Variants in EIF4E3 observed in about 807,000 individuals in gnomAD.
The protein encoded by EIF4E3 is eukaryotic translation initiation factor 4E type 3.
Under a neutral mutation model 31.7 loss-of-function variants are expected in EIF4E3, and 26 were observed. That is an observed-to-expected ratio of 0.82 (90% confidence interval 0.60 to 1.14). EIF4E3 has a LOEUF of 1.14. Among genes scored for constraint, EIF4E3 ranks in the 50% most tolerant of loss-of-function variants. The pLI is 0.00. For missense variants in EIF4E3, 304 were observed against 270.9 expected (o/e 1.12, Z -0.86); for synonymous variants, 128 against 107.7 (o/e 1.19, Z -1.17).
intron 3 of EIF4E3, 45 bp downstream of exon 3, chr3:71,699,569 C>T (rs1186340754): frequency 1.3e-6 from 2 of 1,536,972 alleles, no homozygotes; most frequent in Non-Finnish European, 1.8e-6. Context: ...GGTTCACAAA[C>T]ATTTTCCTCC....
At chr3:71,754,175 G>T (rs765142965), upstream of EIF4E3, 1 of 1,447,296 alleles carries the variant, frequency 6.9e-7, no homozygotes, top group Non-Finnish European at 9.2e-7. The surrounding 1 kb of genome is among the most constrained non-coding windows in gnomAD (Gnocchi z 5.8). Context: ...TCGCGCTGCT[G>T]ATCGTGCGGG....
At chr3:71,720,937 G>A (rs981200096) in intron 1 of EIF4E3, among the ~76,000 whole-genome samples, 3 of 152,216 alleles carry the variant, frequency 2.0e-5, no homozygotes, top group African/African-American at 7.2e-5. Context: ...GTGCTTGAGA[G>A]AAAGAAGATT....
intron 5 of EIF4E3, among the ~76,000 whole-genome samples, chr3:71,692,980 C>G (rs1309673536): frequency 2.0e-5 from 3 of 152,158 alleles, no homozygotes; most frequent in Non-Finnish European, 2.9e-5. Flanking sequence ...CGAGATGAAT[C>G]TGAAATGTGC....
At chr3:71,745,354 G>A (rs1326095265) in intron 1 of EIF4E3, among the ~76,000 whole-genome samples, 1 of 152,126 alleles carries the variant, frequency 6.6e-6, no homozygotes, top group East Asian at 1.9e-4. Flanking sequence ...TGCATAATAG[G>A]TAAACTAGCA....
chr3:71,700,518 G>A (rs2049200847), intron 2 of EIF4E3, among the ~76,000 whole-genome samples: 1 of 151,654 alleles, frequency 6.6e-6, no homozygotes, highest in African/African-American at 2.4e-5. Flanking sequence ...GGAGGCTGAG[G>A]CAGGAGAATC....
Position 71,679,444 on chromosome 3 carries a change from CT to C in EIF4E3, c.*5237del, listed in dbSNP as rs2048898447. 1 of 152,012 alleles carries C rather than the reference CT, an allele frequency of 6.6e-6. No individual in the cohort carries two copies. The highest frequency in any genetic ancestry group is 6.6e-5 in the Admixed American group (1 of 15,258). The allele number at this position is 152,012 out of a possible 1,614,324, so 9.4% of individuals were successfully genotyped here. On this transcript the variant is annotated 3_prime_UTR_variant, in exon 7 of 7. Transcript: ENST00000425534. Reference sequence around the variant, plus strand: ...TGCATTTCACTAAATGAGTTGGTAACTTTTTTCAGGCAGCAACCAAAACAAA... The same window carrying C: ...TGCATTTCACTAAATGAGTTGGTAACTTTTTCAGGCAGCAACCAAAACAAA...
At chr3:71,743,727 A>G (rs574199868) in intron 1 of EIF4E3, among the ~76,000 whole-genome samples, 1 of 152,348 alleles carries the variant, frequency 6.6e-6, no homozygotes, top group South Asian at 2.1e-4. Context: ...TTATAAAGCC[A>G]CAATAATGAA....
chr3:71,677,257 G>T lies in EIF4E3; in HGVS notation c.*7425C>A, dbSNP rs1179616155. 6.6e-6 allele frequency: 1 copy of T among 152,164 alleles called. No individual in the cohort carries two copies. Among genetic ancestry groups the T allele is most frequent in the African/African-American group, 2.4e-5 (1 of 41,434 alleles). The allele number at this position is 152,164 out of a possible 1,614,324, so 9.4% of individuals were successfully genotyped here. ...TAATGACATATATTTTAACTTGCTG[G>T]CCCTTGCAAATGCTACTGTTTTTTC... is the stretch of plus-strand genomic sequence containing the variant. On this transcript the variant is annotated 3_prime_UTR_variant, in exon 7 of 7. Transcript: ENST00000425534.
At chr3:71,695,260 A>G (rs17008927) in intron 4 of EIF4E3, among the ~76,000 whole-genome samples, 1,573 of 152,244 alleles carry the variant, frequency 0.01, 19 homozygotes, top group African/African-American at 0.035. Context: ...TTGGCCCACA[A>G]GACTCCCACT....
At chr3:71,750,286 C>T (rs1435198245) in intron 1 of EIF4E3, among the ~76,000 whole-genome samples, 1 of 152,110 alleles carries the variant, frequency 6.6e-6, no homozygotes, top group Non-Finnish European at 1.5e-5. Context: ...TAAATGGACA[C>T]ATTTGAGATT....
chr3:71,754,502 G>A, upstream of EIF4E3: 1 of 1,285,216 alleles, frequency 7.8e-7, no homozygotes, highest in Non-Finnish European at 9.8e-7. This position sits in a 1 kb window ranked among gnomAD's most constrained non-coding sequence, Gnocchi z 5.8. Flanking sequence ...GGGCGCTGGC[G>A]CTGGCCGCGG....
intron 5 of EIF4E3, among the ~76,000 whole-genome samples, chr3:71,690,647 T>C (rs2049051851): frequency 1.3e-5 from 2 of 152,240 alleles, no homozygotes. Flanking sequence ...CAGCGCTATC[T>C]GCCCCAACAC....
intron 3 of EIF4E3, among the ~76,000 whole-genome samples, chr3:71,698,895 G>C (rs1055826410): frequency 1.3e-5 from 2 of 152,154 alleles, no homozygotes; most frequent in African/African-American, 4.8e-5. Flanking sequence ...CCAGTCACAG[G>C]TTAAAAACAT....
At chr3:71,698,438 C>T (rs557549337) in intron 3 of EIF4E3, among the ~76,000 whole-genome samples, 1 of 152,320 alleles carries the variant, frequency 6.6e-6, no homozygotes, top group South Asian at 2.1e-4. Context: ...CTGTGGGGGA[C>T]ATCTGCTGTG....
Position 71,725,043 on chromosome 3 carries a change from G to T in EIF4E3, c.176+149C>A. The T allele has an allele frequency of 1.7e-6, 1 of 578,370 alleles. No individual in the cohort carries two copies. The highest frequency in any genetic ancestry group is 2.2e-6 in the Non-Finnish European group (1 of 453,500). 35.8% of individuals were successfully genotyped at this position (578,370 alleles called of 1,614,324 possible). On this transcript the variant is annotated intron_variant, in intron 1 of 6. Coordinates refer to ENST00000425534, the MANE Select transcript of EIF4E3 (RefSeq NM_001134651.2). This position sits in a 1 kb window ranked among gnomAD's most constrained non-coding sequence, Gnocchi z 6.1. ...GCTGGCTTCCGACCCGGCGGGGCGA[G>T]TCCCGGGGTGCGCAGGCGGACGCGC...
rs939302277 is a variant in EIF4E3 at position 71,696,517 on chromosome 3, T to C, written c.348A>G (p.Glu116=). Residue 116 remains glutamate (E), a synonymous_variant, in exon 4 of 7, where the codon GAA becomes GAG. Transcript: ENST00000425534. ...LMRGERRPLW[E]EESNAKGGVW... is the part of the protein sequence containing the mutation. Reference sequence around the variant, plus strand: ...CGCCACCCTTTGCATTACTCTCCTCTTCCCTGGGCCAAAGACCAACGTTTA... The same window carrying C: ...CGCCACCCTTTGCATTACTCTCCTCCTCCCTGGGCCAAAGACCAACGTTTA... 1.9e-6 allele frequency: 3 copies of C among 1,614,042 alleles called. No individual in the cohort carries two copies. The highest frequency in any genetic ancestry group is 2.7e-5 in the African/African-American group (2 of 74,916).
chr3:71,695,671 T>A (rs140443732), intron 4 of EIF4E3, among the ~76,000 whole-genome samples: 1 of 152,206 alleles, frequency 6.6e-6, no homozygotes, highest in Non-Finnish European at 1.5e-5. Flanking sequence ...TATGTTCTTA[T>A]AGTAAAATGA....
chr3:71,750,627 CAG>C (rs1434427890), intron 1 of EIF4E3, among the ~76,000 whole-genome samples: 1 of 152,140 alleles, frequency 6.6e-6, no homozygotes, highest in African/African-American at 2.4e-5. Context: ...ACTCTAAACA[CAG>C]AGTTCCTCAG....
chr3:71,689,863 A>G (rs1376315929), intron 6 of EIF4E3, 147 bp downstream of exon 6: 2 of 830,800 alleles, frequency 2.4e-6, no homozygotes, highest in East Asian at 7.0e-5. Context: ...TTAAAAAAAA[A>G]AAAAACTTAA....
Sources: gnomAD v4.1 joint callset for allele counts (sites outside exome capture counted in the v4.1 genomes callset) on GRCh38, gnomAD v4.1.1 for gene constraint, Gnocchi (gnomAD v3.1) non-coding constraint, MANE v1.5 for transcripts, NCBI Gene and HGNC (gene_info 2026-07-23, HGNC 2026-07-21) for gene names.